SERPINB9: variants seen among roughly 807,000 people sequenced by gnomAD.
The protein encoded by SERPINB9 is serpin family B member 9.
SERPINB9 carries 20 observed loss-of-function variants against 27.2 expected under a neutral mutation model. That is an observed-to-expected ratio of 0.74 (90% CI 0.52 to 1.07). SERPINB9 has a LOEUF of 1.07. Among genes scored for constraint, SERPINB9 ranks in the 50% least tolerant of loss-of-function variants. The pLI, the probability that SERPINB9 is intolerant of heterozygous loss-of-function variation, is 0.00. For synonymous variants in SERPINB9, 189 were observed against 180.0 expected (o/e 1.05, Z -0.40); for missense variants, 476 against 460.1 (o/e 1.03, Z -0.32).
Position 2,890,211 on chromosome 6 carries a change from G to C in SERPINB9, c.1083C>G (p.His361Gln). ...AGAACAGAATGCTGTTGGCTCTGTT[G>C]TGCCTGATGAAGAAAAGGAAAGGGT... ...ADHPFLFFIR[H>Q]NRANSILFCG... Residue 361 changes from histidine to glutamine, a missense_variant, in exon 7 of 7, where the codon CAC (histidine) becomes CAG (glutamine). Transcript: ENST00000380698. The surrounding 1 kb of genome is among the most constrained non-coding windows in gnomAD (Gnocchi z 6.2). 6.2e-7 allele frequency: 1 copy of C among 1,614,200 alleles called. No homozygotes were observed. The highest frequency in any genetic ancestry group is 8.5e-7 in the Non-Finnish European group (1 of 1,180,028).
chr6:2,900,856 G>A (rs1047847624), intron 1 of SERPINB9, among the ~76,000 whole-genome samples: 6 of 96,928 alleles, frequency 6.2e-5, no homozygotes, highest in African/African-American at 3.2e-4. Context: ...AATAGCAACA[G>A]AACTGGCTCG....
intron 1 of SERPINB9, among the ~76,000 whole-genome samples, chr6:2,900,879 G>GCTCTCTCT (rs149162495): frequency 1.4e-5 from 2 of 140,080 alleles, no homozygotes; most frequent in African/African-American, 5.3e-5. Context: ...TGCAGAGCTC[G>GCTCTCTCT]CTCTCTCACA....
At chr6:2,892,116 A>C in intron 5 of SERPINB9, 128 bp from the exon 6 acceptor site, 1 of 757,064 alleles carries the variant, frequency 1.3e-6, no homozygotes, top group Non-Finnish European at 2.0e-6. Flanking sequence ...AAAAAAAAAA[A>C]AAAAAAAAAA....
Position 2,890,585 on chromosome 6 carries a change from T to A in SERPINB9, c.724-15A>T. ...CTTTTTTCCACCTGAAAGACCAGAA[T>A]TAGACTTTAAGATTCCGACTTCAGT... On this transcript the variant is annotated splice_polypyrimidine_tract_variant and intron_variant, in intron 6 of 6. Transcript: ENST00000380698. This position sits in a 1 kb window ranked among gnomAD's most constrained non-coding sequence, Gnocchi z 6.2. 1 of 1,598,514 alleles carries A rather than the reference T, an allele frequency of 6.3e-7. No homozygotes were observed. The highest frequency in any genetic ancestry group is 1.1e-5 in the South Asian group (1 of 89,944).
Position 2,890,085 on chromosome 6 carries a change from C to T in SERPINB9, c.*78G>A. The stretch of plus-strand genomic sequence containing the variant: ...TCATCTTTGCACTTGGCTTTCTAGG[C>T]CCATCCTCTTGGAGCTGTAGTGGGG... On this transcript the variant is annotated 3_prime_UTR_variant, in exon 7 of 7. Coordinates refer to ENST00000380698, the MANE Select transcript of SERPINB9 (RefSeq NM_004155.6). The surrounding 1 kb of genome is among the most constrained non-coding windows in gnomAD (Gnocchi z 6.2). 1 of 1,456,882 alleles carries T rather than the reference C, an allele frequency of 6.9e-7. No individual in the cohort carries two copies. Among genetic ancestry groups the T allele is most frequent in the Non-Finnish European group, 9.3e-7 (1 of 1,076,756 alleles). 90.2% of individuals were successfully genotyped at this position (1,456,882 alleles called of 1,614,324 possible).
At chr6:2,901,628 C>G (rs1001722507) in intron 1 of SERPINB9, among the ~76,000 whole-genome samples, 2 of 152,048 alleles carry the variant, frequency 1.3e-5, no homozygotes, top group African/African-American at 4.8e-5. Context: ...TGAACCCCCA[C>G]CCCCAGGCTG....
chr6:2,891,492 G>A lies in SERPINB9; in HGVS notation c.723+341C>T, dbSNP rs1276157214. On this transcript the variant is annotated intron_variant, in intron 6 of 6. Transcript: ENST00000380698. The surrounding 1 kb of genome is among the most constrained non-coding windows in gnomAD (Gnocchi z 4.0). ...TAACTCTAGGAGGCAATAACCCCGA[G>A]CAGTCATTTATGCTTTTAGAGTTAA... is the stretch of plus-strand genomic sequence containing the variant. Among the ~76,000 whole-genome samples the A allele has an allele frequency of 1.3e-5, 2 of 152,148 alleles. No homozygotes were observed. Among genetic ancestry groups the A allele is most frequent in the African/African-American group, 2.4e-5 (1 of 41,418 alleles).
In SERPINB9 at chr6:2,890,064, C is replaced by T. The variant is rs1019540569; in HGVS notation, c.*99G>A. 17 of 1,242,892 alleles carry T rather than the reference C, an allele frequency of 1.4e-5. No homozygotes were observed. In the African/African-American group the frequency reaches 2.6e-4, roughly 19 times the overall value. 77.0% of individuals were successfully genotyped at this position (1,242,892 alleles called of 1,614,324 possible). On this transcript the variant is annotated 3_prime_UTR_variant, in exon 7 of 7. Coordinates refer to ENST00000380698, the MANE Select transcript of SERPINB9 (RefSeq NM_004155.6). The surrounding 1 kb of genome is among the most constrained non-coding windows in gnomAD (Gnocchi z 6.2). Reference sequence around the variant, plus strand: ...AGACAGGTAAAGAATCTGCCCTCATCTTTGCACTTGGCTTTCTAGGCCCAT... The same window carrying T: ...AGACAGGTAAAGAATCTGCCCTCATTTTTGCACTTGGCTTTCTAGGCCCAT...
At position 2,896,110 on chromosome 6, in the gene SERPINB9, C is replaced by CTG; in HGVS notation, c.247_248dup (p.Gln83HisfsTer5). 6.2e-7 allele frequency: 1 copy of CTG among 1,614,144 alleles called. No individual in the cohort carries two copies. Among genetic ancestry groups the CTG allele is most frequent in the Non-Finnish European group, 8.5e-7 (1 of 1,180,014 alleles). ...GCCTGTTGGCCGTTCTCAGCAGGTACTGTGTGCCAGCCTTGTTCACTTCAG... is the reference window on the plus strand; with the variant it reads ...GCCTGTTGGCCGTTCTCAGCAGGTACTGTGTGTGCCAGCCTTGTTCACTTCAG... On this transcript the variant is annotated frameshift_variant, in exon 3 of 7. Coordinates refer to ENST00000380698, the MANE Select transcript of SERPINB9 (RefSeq NM_004155.6). LOFTEE classifies it high-confidence loss of function.
At chr6:2,900,363 G>A (rs1022286448) in intron 2 of SERPINB9, 81 bp downstream of exon 2, 5 of 1,531,668 alleles carry the variant, frequency 3.3e-6, no homozygotes, top group Non-Finnish European at 4.4e-6. Context: ...TTTCTCAGTG[G>A]CTCTGGAGTG....
chr6:2,891,162 C>T lies in SERPINB9; in HGVS notation c.724-592G>A, dbSNP rs1407579669. Among the ~76,000 whole-genome samples, 1 of 152,146 alleles carries T rather than the reference C, an allele frequency of 6.6e-6. No individual in the cohort carries two copies. The highest frequency in any genetic ancestry group is 1.5e-5 in the Non-Finnish European group (1 of 68,036). On this transcript the variant is annotated intron_variant, in intron 6 of 6. Coordinates refer to ENST00000380698, the MANE Select transcript of SERPINB9 (RefSeq NM_004155.6). The surrounding 1 kb of genome is among the most constrained non-coding windows in gnomAD (Gnocchi z 4.0). ...TGGGGTCCCACTGCCTGCCATTTGC[C>T]ATGGTTGACTCTCTCACCCTGGAGA...
intron 1 of SERPINB9, 62 bp from the exon 2 acceptor site, chr6:2,900,683 T>A: frequency 2.2e-6 from 3 of 1,393,652 alleles, no homozygotes; most frequent in Non-Finnish European, 3.0e-6. Context: ...CTGACCTACT[T>A]ACTACAGGGC....
chr6:2,892,468 A>T (rs569043739), intron 5 of SERPINB9, among the ~76,000 whole-genome samples: 1 of 152,334 alleles, frequency 6.6e-6, no homozygotes, highest in Non-Finnish European at 1.5e-5. Flanking sequence ...TCTCAGAAAG[A>T]GTAACGACCT....
rs1581192179 is a variant in SERPINB9 at position 2,890,975 on chromosome 6, G to A, written c.724-405C>T. ...CTCTCAGTGTGAGCCACTCCAACAG[G>A]ATTATCTGTCCCAGGTGAGATTCTG... On this transcript the variant is annotated intron_variant, in intron 6 of 6. Transcript: ENST00000380698. This position sits in a 1 kb window ranked among gnomAD's most constrained non-coding sequence, Gnocchi z 6.2. 6.6e-6 allele frequency among the ~76,000 whole-genome samples: 1 copy of A among 152,202 alleles called. No homozygotes were observed. The highest frequency in any genetic ancestry group is 2.4e-5 in the African/African-American group (1 of 41,452).
In SERPINB9 at chr6:2,888,593, CA is replaced by C. The variant is rs1432238167; in HGVS notation, c.*1569del. On this transcript the variant is annotated 3_prime_UTR_variant, in exon 7 of 7. Coordinates refer to ENST00000380698, the MANE Select transcript of SERPINB9 (RefSeq NM_004155.6). ...GAAGCCAGACACAAAAGGTCTCATA[CA>C]ATTCAATTTATATAAAATAGCAAGA... The C allele has an allele frequency of 2.0e-5, 3 of 152,110 alleles. No individual in the cohort carries two copies. Among genetic ancestry groups the C allele is most frequent in the African/African-American group, 4.8e-5 (2 of 41,414 alleles). The allele number at this position is 152,110 out of a possible 1,614,324, so 9.4% of individuals were successfully genotyped here.
chr6:2,894,470 G>A lies in SERPINB9; in HGVS notation c.425-917C>T, dbSNP rs555105496. Among the ~76,000 whole-genome samples the A allele has an allele frequency of 7.2e-5, 11 of 152,200 alleles. No individual in the cohort carries two copies. Among genetic ancestry groups the A allele is most frequent in the South Asian group, 4.2e-4 (2 of 4,818 alleles). ...AACTGATCAGCCCTGAGAGAGGGTC[G>A]GCAGTTAACCAATCAAATGTAGGCT... On this transcript the variant is annotated intron_variant, in intron 4 of 6. Transcript: ENST00000380698. The surrounding 1 kb of genome is among the most constrained non-coding windows in gnomAD (Gnocchi z 4.7).
chr6:2,891,859 G>A lies in SERPINB9; in HGVS notation c.697C>T (p.Pro233Ser), dbSNP rs778586360. ...RKELSLLVLL[P>S]DDGVELSTVE... The stretch of plus-strand genomic sequence containing the variant: ...GTGCTGAGCTCCACGCCGTCGTCAG[G>A]CAGCAGCACCAGCAGGCTCAGCTCC... Residue 233 changes from proline (P) to serine (S), a missense_variant, in exon 6 of 7, where the codon CCT becomes TCT. Pro to Ser is a moderately conservative substitution (Grantham distance 74, BLOSUM62 -1). Coordinates refer to ENST00000380698, the MANE Select transcript of SERPINB9 (RefSeq NM_004155.6). This position sits in a 1 kb window ranked among gnomAD's most constrained non-coding sequence, Gnocchi z 4.0. The A allele has an allele frequency of 3.7e-6, 6 of 1,608,748 alleles. No individual in the cohort carries two copies. The South Asian group carries it at 6.6e-5, about 18-fold the overall frequency.
chr6:2,889,525 C>G lies in SERPINB9; in HGVS notation c.*638G>C, dbSNP rs1021499932. On this transcript the variant is annotated 3_prime_UTR_variant, in exon 7 of 7. Coordinates refer to ENST00000380698, the MANE Select transcript of SERPINB9 (RefSeq NM_004155.6). ...CCTGGCTAACACGGTGAAACCCCGT[C>G]TCTACTAAAAATACAAAAAATTAGC... 4 of 150,006 alleles carry G rather than the reference C, an allele frequency of 2.7e-5. No homozygotes were observed. The highest frequency in any genetic ancestry group is 2.6e-4 in the Admixed American group (4 of 15,194). 9.3% of individuals were successfully genotyped at this position (150,006 alleles called of 1,614,324 possible).
At position 2,891,917 on chromosome 6, in the gene SERPINB9, G is replaced by A; in HGVS notation, c.639C>T (p.Arg213=). Residue 213 remains arginine, a synonymous_variant, in exon 6 of 7, where the codon CGC becomes CGT. Coordinates refer to ENST00000380698, the MANE Select transcript of SERPINB9 (RefSeq NM_004155.6). The surrounding 1 kb of genome is among the most constrained non-coding windows in gnomAD (Gnocchi z 4.0). ...TFKLAHVGEV[R]AQLLELPYAR... is the part of the protein sequence containing the mutation. ...CGTAGGGCAGCTCCAGCAGCTGCGC[G>A]CGCACCTCGCCCACGTGGGCGAGCT... 1 of 1,613,142 alleles carries A rather than the reference G, an allele frequency of 6.2e-7. No individual in the cohort carries two copies. The highest frequency in any genetic ancestry group is 8.5e-7 in the Non-Finnish European group (1 of 1,179,892).
Sources: gnomAD v4.1 joint callset for allele counts (sites outside exome capture counted in the v4.1 genomes callset) on GRCh38, gnomAD v4.1.1 for gene constraint, Gnocchi (gnomAD v3.1) non-coding constraint, MANE v1.5 for transcripts, NCBI Gene and HGNC (gene_info 2026-07-23, HGNC 2026-07-21) for gene names.